DLGAP2: variants seen among roughly 807,000 people sequenced by gnomAD.
The protein encoded by DLGAP2 is DLG associated protein 2.
A neutral mutation model predicts 100.3 loss-of-function variants in DLGAP2; 26 were observed. The ratio of observed to expected loss-of-function variants is 0.26; its 90% CI spans 0.19 to 0.36. DLGAP2 has a LOEUF of 0.36. Among genes scored for constraint, DLGAP2 ranks in the 10% least tolerant of loss-of-function variants. DLGAP2 has a pLI of 1.00. For synonymous variants in DLGAP2, 886 were observed against 630.1 expected, an observed-to-expected ratio of 1.41 and a Z score of -6.08; for missense variants, 1,858 against 1,453.2, an observed-to-expected ratio of 1.28 and a Z score of -4.53.
chr8:1,325,259 A>G (rs1179187155), intron 3 of DLGAP2, among the ~76,000 whole-genome samples: 1 of 152,188 alleles, frequency 6.6e-6, no homozygotes, highest in Non-Finnish European at 1.5e-5. Context: ...CAAGAGTGAG[A>G]TGTCCGATGG....
intron 3 of DLGAP2, among the ~76,000 whole-genome samples, chr8:1,382,956 A>T (rs1217343597): frequency 6.6e-6 from 1 of 152,172 alleles, no homozygotes; most frequent in Non-Finnish European, 1.5e-5. Context: ...GACCCTAATC[A>T]ATGAGAAATT....
At chr8:1,004,772 G>A (rs62488475) in intron 2 of DLGAP2, among the ~76,000 whole-genome samples, 203 of 152,316 alleles carry the variant, frequency 1.3e-3, no homozygotes, top group Non-Finnish European at 2.0e-3. Context: ...TCTTCACTGC[G>A]CTCTGCCCTT....
chr8:1,440,468 G>A (rs922900170), intron 3 of DLGAP2, among the ~76,000 whole-genome samples: 1 of 152,224 alleles, frequency 6.6e-6, no homozygotes, highest in Admixed American at 6.5e-5. Flanking sequence ...CGAATGCAGA[G>A]AAACACTAGA....
At chr8:1,042,041 A>C (rs1267903264) in intron 2 of DLGAP2, among the ~76,000 whole-genome samples, 1 of 152,156 alleles carries the variant, frequency 6.6e-6, no homozygotes, top group African/African-American at 2.4e-5. Context: ...CCTGATTTGC[A>C]GAGCAGAACG....
At chr8:1,044,828 G>A (rs977006031) in intron 2 of DLGAP2, among the ~76,000 whole-genome samples, 2 of 152,100 alleles carry the variant, frequency 1.3e-5, no homozygotes, top group African/African-American at 4.8e-5. Flanking sequence ...CCTGCAGAAC[G>A]GACCCACCCA....
intron 2 of DLGAP2, among the ~76,000 whole-genome samples, chr8:986,077 T>C (rs1800478812): frequency 6.6e-6 from 1 of 152,170 alleles, no homozygotes; most frequent in African/African-American, 2.4e-5. Context: ...TGGAAACTCT[T>C]GATATCCACG....
chr8:797,878 G>A (rs1159589631), intron 1 of DLGAP2, among the ~76,000 whole-genome samples: 1 of 152,132 alleles, frequency 6.6e-6, no homozygotes, highest in East Asian at 1.9e-4. Context: ...AGCCTCCTGA[G>A]TAGCTGGGAT....
intron 3 of DLGAP2, among the ~76,000 whole-genome samples, chr8:1,279,075 T>G (rs927143174): frequency 3.3e-5 from 5 of 152,198 alleles, no homozygotes; most frequent in African/African-American, 1.2e-4. Flanking sequence ...CTGCAGAATT[T>G]TACAAAACAA....
chr8:1,387,668 C>G (rs1035796648), intron 3 of DLGAP2, among the ~76,000 whole-genome samples: 3 of 152,138 alleles, frequency 2.0e-5, no homozygotes, highest in African/African-American at 7.2e-5. Context: ...GAAATAGGCA[C>G]TAAGTTGGGT....
At chr8:1,012,694 C>T (rs1488752776) in intron 2 of DLGAP2, among the ~76,000 whole-genome samples, 2 of 139,172 alleles carry the variant, frequency 1.4e-5, no homozygotes, top group African/African-American at 5.4e-5. Context: ...CGACCAGTCC[C>T]CCCTACTTCA....
At position 1,254,798 on chromosome 8, in the gene DLGAP2, C is replaced by T. The variant is rs576297845; in HGVS notation, c.74-4053C>T. ...TTTGGATTTTAGCTTCCCTGGCCCA[C>T]GCAGTTCACTGCGCTCCCACAAAGA... On this transcript the variant is annotated intron_variant, in intron 2 of 14. Coordinates refer to ENST00000637795, the MANE Select transcript of DLGAP2 (RefSeq NM_001346810.2). Among the ~76,000 whole-genome samples, 13 of 152,310 alleles carry T rather than the reference C, an allele frequency of 8.5e-5. No homozygotes were observed. The East Asian group carries it at 1.7e-3, about 20-fold the overall frequency.
intron 2 of DLGAP2, among the ~76,000 whole-genome samples, chr8:1,142,701 A>T (rs1796542621): frequency 6.6e-6 from 1 of 152,120 alleles, no homozygotes; most frequent in Non-Finnish European, 1.5e-5. Flanking sequence ...CTAGGGCAGG[A>T]CGGGGCTGCC....
At chr8:1,423,199 C>G (rs921411200) in intron 3 of DLGAP2, among the ~76,000 whole-genome samples, 3 of 152,152 alleles carry the variant, frequency 2.0e-5, no homozygotes, top group African/African-American at 7.2e-5. Flanking sequence ...ATTCAACCAG[C>G]AGAGATTGAG....
At chr8:1,416,225 G>C (rs566003848) in intron 3 of DLGAP2, among the ~76,000 whole-genome samples, 1 of 152,294 alleles carries the variant, frequency 6.6e-6, no homozygotes. Context: ...GTGGCGACCA[G>C]ATGATTCCAG....
chr8:1,593,172 A>G (rs1355608084), intron 6 of DLGAP2, among the ~76,000 whole-genome samples: 1 of 152,172 alleles, frequency 6.6e-6, no homozygotes, highest in Non-Finnish European at 1.5e-5. Context: ...TTTAGACACT[A>G]GGCCTGGCGT....
intron 3 of DLGAP2, among the ~76,000 whole-genome samples, chr8:1,500,123 A>G (rs937376826): frequency 6.6e-6 from 1 of 152,246 alleles, no homozygotes; most frequent in Non-Finnish European, 1.5e-5. Context: ...CAAAATGGTG[A>G]CAAAGATGTG....
At chr8:1,696,166 T>C (rs551027520) in intron 13 of DLGAP2, among the ~76,000 whole-genome samples, 1 of 152,124 alleles carries the variant, frequency 6.6e-6, no homozygotes. Flanking sequence ...AAATCCCCAC[T>C]GAATCAAGGG....
chr8:1,115,284 G>A (rs566732274), intron 2 of DLGAP2, among the ~76,000 whole-genome samples: 86 of 152,280 alleles, frequency 5.6e-4, no homozygotes, highest in South Asian at 1.7e-3. Context: ...ACTGTCAGTG[G>A]AATGTTGACG....
At chr8:1,622,715 C>T (rs1797377625) in intron 6 of DLGAP2, among the ~76,000 whole-genome samples, 1 of 152,180 alleles carries the variant, frequency 6.6e-6, no homozygotes, top group African/African-American at 2.4e-5. Context: ...GAAAACTTTT[C>T]ACTATTTAAA....
Sources: gnomAD v4.1 joint callset for allele counts (sites outside exome capture counted in the v4.1 genomes callset) on GRCh38, gnomAD v4.1.1 for gene constraint, MANE v1.5 for transcripts, NCBI Gene and HGNC (gene_info 2026-07-23, HGNC 2026-07-21) for gene names.